The following RBM33 variants were observed in gnomAD, a reference collection of about 807,000 sequenced individuals.
The protein encoded by RBM33 is RNA-binding protein 33.
A neutral mutation model predicts 132.6 loss-of-function variants in RBM33; 28 were observed. The ratio of observed to expected loss-of-function variants is 0.21; its 90% CI spans 0.16 to 0.29. RBM33 has a LOEUF of 0.29. Among genes scored for constraint, RBM33 ranks in the 10% least tolerant of loss-of-function variants. The probability of loss-of-function intolerance (pLI) is 1.00; values close to 1 mark genes in which losing one functional copy is unlikely to be tolerated. For missense variants in RBM33, 1,291 were observed against 1,518.5 expected (o/e 0.85, Z 2.49); for synonymous variants, 634 against 593.0 (o/e 1.07, Z -1.01).
intron 8 of RBM33, among the ~76,000 whole-genome samples, chr7:155,712,696 A>G (rs1377024773): frequency 6.6e-6 from 1 of 152,220 alleles, no homozygotes; most frequent in Non-Finnish European, 1.5e-5. Context: ...GGCTTCCTCC[A>G]GGAGAGACCC....
intron 8 of RBM33, among the ~76,000 whole-genome samples, chr7:155,716,299 G>C (rs1279945356): frequency 1.2e-5 from 1 of 81,124 alleles, no homozygotes; most frequent in Non-Finnish European, 2.7e-5. Context: ...TTTGTCAGCT[G>C]TTTTTCCTTT....
intron 3 of RBM33, among the ~76,000 whole-genome samples, chr7:155,673,768 G>GCACACACACACACACGCGCACA (rs1799067087): frequency 7.5e-6 from 1 of 132,962 alleles, no homozygotes; most frequent in Non-Finnish European, 1.5e-5. Context: ...GCGCATGCGC[G>GCACACACACACACACGCGCACA]CACACACACA....
intron 1 of RBM33, among the ~76,000 whole-genome samples, chr7:155,662,551 T>G (rs1018442602): frequency 1.3e-5 from 2 of 152,062 alleles, no homozygotes; most frequent in African/African-American, 4.8e-5. Flanking sequence ...GCATTTGTGC[T>G]GTGGCTGTGG....
At chr7:155,717,865 A>T (rs1800511410) in intron 8 of RBM33, among the ~76,000 whole-genome samples, 1 of 152,106 alleles carries the variant, frequency 6.6e-6, no homozygotes. Context: ...GGCATAGGGG[A>T]TTGTTTAGTG....
At chr7:155,679,801 AGTCTAAGAG>A (rs1408338275) in intron 4 of RBM33, among the ~76,000 whole-genome samples, 1 of 152,184 alleles carries the variant, frequency 6.6e-6, no homozygotes, top group African/African-American at 2.4e-5. Context: ...AGTATCTTGA[AGTCTAAGAG>A]GTGTATTAAT....
At chr7:155,716,316 G>GTCTTTTTTTTTTTTTTTTTTTTT (rs550734927) in intron 8 of RBM33, among the ~76,000 whole-genome samples, 1 of 102,384 alleles carries the variant, frequency 9.8e-6, no homozygotes, top group Non-Finnish European at 1.9e-5. Context: ...CTTTTCTGCT[G>GTCTTTTTTTTTTTTTTTTTTTTT]TTTTTTTTTT....
intron 5 of RBM33, among the ~76,000 whole-genome samples, chr7:155,691,113 C>T (rs1199238547): frequency 6.6e-5 from 10 of 152,290 alleles, no homozygotes; most frequent in Admixed American, 6.5e-4. Context: ...ACCAATCAGA[C>T]GTAGATTTGG....
At chr7:155,753,206 A>T (rs1801738454) in intron 14 of RBM33, among the ~76,000 whole-genome samples, 2 of 152,238 alleles carry the variant, frequency 1.3e-5, no homozygotes, top group Admixed American at 1.3e-4. Flanking sequence ...AAAAGACAAA[A>T]AGCATGAATC....
At chr7:155,743,900 G>A (rs1026983377) in intron 13 of RBM33, among the ~76,000 whole-genome samples, 2 of 152,076 alleles carry the variant, frequency 1.3e-5, no homozygotes, top group East Asian at 1.9e-4. Context: ...CCCCCTGGAC[G>A]CCATGTCTTG....
rs1417168628 is a variant in RBM33 at position 155,759,506 on chromosome 7, CT to C, written c.2980-4305del. On this transcript the variant is annotated intron_variant, in intron 14 of 17. Transcript: ENST00000401878. Reference sequence around the variant, plus strand: ...GATCTCGGCTCACTGCAAGCTCCGCCTCCCGGGTTCACGCCATTCTCCTGCC... The same window carrying C: ...GATCTCGGCTCACTGCAAGCTCCGCCCCCGGGTTCACGCCATTCTCCTGCC... 8.0e-5 allele frequency among the ~76,000 whole-genome samples: 12 copies of C among 150,724 alleles called. No homozygotes were observed. In the Middle Eastern group the frequency reaches 0.01, roughly 130 times the overall value.
chr7:155,708,112 T>C (rs754818924), intron 7 of RBM33, among the ~76,000 whole-genome samples: 2 of 152,256 alleles, frequency 1.3e-5, no homozygotes, highest in Non-Finnish European at 2.9e-5. Flanking sequence ...GACATTTCAC[T>C]TCTGTTGAAA....
At chr7:155,693,339 T>TC (rs1176764905) in intron 5 of RBM33, among the ~76,000 whole-genome samples, 1 of 151,294 alleles carries the variant, frequency 6.6e-6, no homozygotes, top group East Asian at 1.9e-4. Context: ...TTTCTTTTTT[T>TC]TTTTCTTTTT....
chr7:155,710,829 A>G lies in RBM33; in HGVS notation c.949-374A>G, dbSNP rs566657500. On this transcript the variant is annotated intron_variant, in intron 7 of 17. Transcript: ENST00000401878. Reference sequence around the variant, plus strand: ...CTGGAGGGGGATGCAAGGCTGCTACAGGGAGGGCTGTGGCAGCTGCTCTTC... The same window carrying G: ...CTGGAGGGGGATGCAAGGCTGCTACGGGGAGGGCTGTGGCAGCTGCTCTTC... Among the ~76,000 whole-genome samples, 260 of 151,780 alleles carry G rather than the reference A, an allele frequency of 1.7e-3. 3 individuals carry two copies. The highest frequency in any genetic ancestry group is 0.015 in the Admixed American group (233 of 15,272).
chr7:155,693,564 C>CT (rs1201534524), intron 5 of RBM33, among the ~76,000 whole-genome samples: 1 of 151,916 alleles, frequency 6.6e-6, no homozygotes, highest in Non-Finnish European at 1.5e-5. Flanking sequence ...CGTATATTTA[C>CT]TTTTTTTATC....
rs905937433 is a variant in RBM33, at chr7:155,680,808, C to T, written c.467C>T (p.Thr156Ile). The change falls in exon 5 of 18, where the codon ACA (threonine) becomes ATA (isoleucine). Residue 156 changes from threonine (T) to isoleucine (I), a missense_variant. Coordinates refer to ENST00000401878, the MANE Select transcript of RBM33 (RefSeq NM_053043.3). ...TATGAAGGCCACGAAGCTGAGTTGA[C>T]AGAAGACCAAATAGAATATGTGGAA... is the stretch of plus-strand genomic sequence containing the variant. Reference protein sequence around the residue: ...GQYEGHEAELTEDQIEYVEEP... With the variant: ...GQYEGHEAELIEDQIEYVEEP... 6.2e-7 allele frequency: 1 copy of T among 1,613,694 alleles called. No individual in the cohort carries two copies. Among genetic ancestry groups the T allele is most frequent in the Non-Finnish European group, 8.5e-7 (1 of 1,179,794 alleles).
chr7:155,765,204 AT>A (rs1802173387), intron 15 of RBM33, among the ~76,000 whole-genome samples: 1 of 152,240 alleles, frequency 6.6e-6, no homozygotes, highest in Non-Finnish European at 1.5e-5. Context: ...AAGAAGATGC[AT>A]TTAAAAAAAC....
intron 16 of RBM33, among the ~76,000 whole-genome samples, chr7:155,769,113 T>C (rs1285551665): frequency 6.6e-6 from 1 of 152,210 alleles, no homozygotes; most frequent in African/African-American, 2.4e-5. Flanking sequence ...TTCGTAGAAA[T>C]GTCATAACCA....
At chr7:155,701,747 G>A (rs571744904) in intron 6 of RBM33, among the ~76,000 whole-genome samples, 7 of 152,276 alleles carry the variant, frequency 4.6e-5, no homozygotes, top group Non-Finnish European at 7.4e-5. Flanking sequence ...GAGTACAGTG[G>A]CACAATCTTG....
rs747899580 is a variant in RBM33, at chr7:155,745,466, G to T, written c.2843G>T (p.Arg948Leu). 1.9e-6 allele frequency: 3 copies of T among 1,613,800 alleles called. No homozygotes were observed. The highest frequency in any genetic ancestry group is 2.2e-5 in the South Asian group (2 of 91,006). Residue 948 changes from arginine to leucine, a missense_variant, in exon 14 of 18, where the codon CGA becomes CTA. Arg to Leu is a moderately radical substitution (Grantham distance 102). This residue lies in a region of RBM33 where 841 missense variants were observed against 912.0 expected (regional missense o/e 0.92). Coordinates refer to ENST00000401878, the MANE Select transcript of RBM33 (RefSeq NM_053043.3). The surrounding 1 kb of genome is among the most constrained non-coding windows in gnomAD (Gnocchi z 4.1). ...VEEPAVPQTPRVASIQGRPQD... is the reference protein window; with the variant it reads ...VEEPAVPQTPLVASIQGRPQD... The stretch of plus-strand genomic sequence containing the variant: ...GAGCCAGCTGTCCCCCAGACTCCTC[G>T]AGTGGCGTCCATCCAGGGCCGGCCC...
Sources: gnomAD v4.1 joint callset for allele counts (sites outside exome capture counted in the v4.1 genomes callset) on GRCh38, gnomAD v4.1.1 for gene constraint, gnomAD v4.1.1 regional missense constraint, Gnocchi (gnomAD v3.1) non-coding constraint, MANE v1.5 for transcripts, NCBI Gene and HGNC (gene_info 2026-07-23, HGNC 2026-07-21) for gene names.